TTC28: variants seen among roughly 807,000 people sequenced by gnomAD.
The protein encoded by TTC28 is tetratricopeptide repeat domain 28, also known as tetratricopeptide repeat protein 28.
Under a neutral mutation model 198.0 loss-of-function variants are expected in TTC28, and 61 were observed. That is an observed-to-expected ratio of 0.31 (90% CI 0.25 to 0.38). The LOEUF (loss-of-function observed/expected upper bound fraction) is 0.38, where lower values mean the gene tolerates loss of function less well. Among genes scored for constraint, TTC28 ranks in the 10% least tolerant of loss-of-function variants. TTC28 has a pLI of 1.00. For missense variants in TTC28, 2,678 were observed against 3,164.0 expected, an observed-to-expected ratio of 0.85 and a Z score of 3.69; for synonymous variants, 1,171 against 1,297.8, an observed-to-expected ratio of 0.90 and a Z score of 2.10.
chr22:28,508,281 T>C (rs1161374581), intron 2 of TTC28, among the ~76,000 whole-genome samples: 1 of 152,058 alleles, frequency 6.6e-6, no homozygotes. Flanking sequence ...TTTATTTATT[T>C]ATTTAGTTTT....
chr22:28,485,050 C>T (rs955763347), intron 2 of TTC28, among the ~76,000 whole-genome samples: 20 of 152,114 alleles, frequency 1.3e-4, no homozygotes, highest in Admixed American at 4.6e-4. Context: ...GTTACCATCC[C>T]TTCAACTGCC....
At chr22:28,616,688 C>T (rs1164713875) in intron 2 of TTC28, among the ~76,000 whole-genome samples, 1 of 151,846 alleles carries the variant, frequency 6.6e-6, no homozygotes, top group Non-Finnish European at 1.5e-5. Flanking sequence ...CCCGTCTCTA[C>T]AAAAATACAA....
chr22:28,175,243 A>G (rs1923052899), intron 5 of TTC28, among the ~76,000 whole-genome samples: 1 of 152,236 alleles, frequency 6.6e-6, no homozygotes, highest in African/African-American at 2.4e-5. Flanking sequence ...CACAGGCAAC[A>G]AAAGCAAAAA....
At chr22:27,985,603 G>A in intron 21 of TTC28, 1 of 381,328 alleles carries the variant, frequency 2.6e-6, no homozygotes, top group Non-Finnish European at 5.0e-6. Context: ...TCACTGCCTG[G>A]CTCTCCTCTG....
At chr22:28,226,049 A>G (rs1265126672) in intron 5 of TTC28, among the ~76,000 whole-genome samples, 1 of 152,186 alleles carries the variant, frequency 6.6e-6, no homozygotes, top group Non-Finnish European at 1.5e-5. Context: ...CTGCTAGTGG[A>G]TATTTGGATT....
chr22:28,118,405 A>C (rs1002261088), intron 6 of TTC28, among the ~76,000 whole-genome samples: 14 of 150,106 alleles, frequency 9.3e-5, no homozygotes, highest in South Asian at 6.3e-4. Context: ...TCTCAAAAGA[A>C]AAAAAAAAAA....
At chr22:28,346,820 G>A (rs1331952865) in intron 2 of TTC28, among the ~76,000 whole-genome samples, 1 of 152,150 alleles carries the variant, frequency 6.6e-6, no homozygotes, top group African/African-American at 2.4e-5. Flanking sequence ...AGTAGAGGAA[G>A]GCTGTGGTTA....
chr22:28,414,906 T>TA (rs1224109159), intron 2 of TTC28, among the ~76,000 whole-genome samples: 1 of 152,214 alleles, frequency 6.6e-6, no homozygotes, highest in African/African-American at 2.4e-5. Context: ...TTACAACTCT[T>TA]AAAAAATTTG....
chr22:28,653,994 G>A (rs1020775432), intron 1 of TTC28, among the ~76,000 whole-genome samples: 2 of 152,186 alleles, frequency 1.3e-5, no homozygotes, highest in African/African-American at 2.4e-5. Flanking sequence ...GGACTATTGT[G>A]TGCTGAACTT....
intron 2 of TTC28, among the ~76,000 whole-genome samples, chr22:28,462,658 G>C (rs1452126965): frequency 6.6e-6 from 1 of 152,174 alleles, no homozygotes; most frequent in Non-Finnish European, 1.5e-5. Context: ...TCAAGTCAAA[G>C]TGGGACTAGG....
chr22:28,405,916 C>T (rs1204319787), intron 2 of TTC28, among the ~76,000 whole-genome samples: 2 of 152,258 alleles, frequency 1.3e-5, no homozygotes, highest in South Asian at 2.1e-4. Flanking sequence ...TCCTGAGCTA[C>T]TGCTTTAGGC....
intron 1 of TTC28, among the ~76,000 whole-genome samples, chr22:28,672,014 A>G (rs1018043337): frequency 1.3e-5 from 2 of 149,740 alleles, no homozygotes; most frequent in East Asian, 2.0e-4. Flanking sequence ...ATAGAAATAA[A>G]CCATTTAAAA....
In TTC28 at chr22:28,055,372, T is replaced by C. The variant is rs574789510; in HGVS notation, c.3933-25006A>G. 6.8e-4 allele frequency among the ~76,000 whole-genome samples: 103 copies of C among 152,270 alleles called. 1 individual carries two copies. The South Asian group carries it at 0.013, about 19-fold the overall frequency. ...CAAATCAATACTTCTAAAGGAGCTC[T>C]ATGTATGAGACAAAATGGGATAGAA... On this transcript the variant is annotated intron_variant, in intron 12 of 22. Coordinates refer to ENST00000397906, the MANE Select transcript of TTC28 (RefSeq NM_001145418.2).
At position 28,622,076 on chromosome 22, in the gene TTC28, C is replaced by T. The variant is rs74334159; in HGVS notation, c.381+7476G>A. 2.0e-5 allele frequency among the ~76,000 whole-genome samples: 3 copies of T among 152,098 alleles called. No homozygotes were observed. In the East Asian group the frequency reaches 5.8e-4, roughly 29 times the overall value. On this transcript the variant is annotated intron_variant, in intron 2 of 22. Transcript: ENST00000397906. ...GTACTAACGAGTGAAGAGAAGCAGGCAGATTTTGGAGGAAGAAAGCTGTAA... is the reference window on the plus strand; with the variant it reads ...GTACTAACGAGTGAAGAGAAGCAGGTAGATTTTGGAGGAAGAAAGCTGTAA...
intron 2 of TTC28, among the ~76,000 whole-genome samples, chr22:28,623,494 CAA>C (rs968182285): frequency 1.3e-5 from 2 of 151,748 alleles, no homozygotes; most frequent in African/African-American, 4.8e-5. Flanking sequence ...AATAACAAGA[CAA>C]AAAAAGTCAG....
chr22:28,670,025 T>A (rs2051853288), intron 1 of TTC28, among the ~76,000 whole-genome samples: 1 of 150,682 alleles, frequency 6.6e-6, no homozygotes, highest in African/African-American at 2.4e-5. Context: ...TAGTTTGTCA[T>A]TCCATAAAAT....
At chr22:28,255,085 A>C (rs750501196) in intron 5 of TTC28, among the ~76,000 whole-genome samples, 42 of 152,300 alleles carry the variant, frequency 2.8e-4, no homozygotes, top group Non-Finnish European at 1.0e-4. Context: ...GAAACCCCTG[A>C]GTTTCTTCAC....
intron 13 of TTC28, among the ~76,000 whole-genome samples, chr22:28,027,299 T>C (rs2146621162): frequency 6.6e-6 from 1 of 152,168 alleles, no homozygotes; most frequent in Middle Eastern, 3.4e-3. Context: ...AAGAGAAGGG[T>C]CTTTGTTTTT....
chr22:28,099,609 T>C (rs1942082457), intron 9 of TTC28, among the ~76,000 whole-genome samples: 1 of 152,192 alleles, frequency 6.6e-6, no homozygotes, highest in African/African-American at 2.4e-5. Flanking sequence ...AATTACAGTT[T>C]ATATAATCGA....
Sources: allele counts gnomAD v4.1 joint callset (sites outside exome capture counted in the v4.1 genomes callset), GRCh38; gene constraint gnomAD v4.1.1; transcripts MANE v1.5; gene names NCBI Gene and HGNC (gene_info 2026-07-23, HGNC 2026-07-21).